NELL1: variants seen among roughly 807,000 people sequenced by gnomAD.
The protein encoded by NELL1 is neural EGFL like 1.
NELL1 carries 76 observed loss-of-function variants against 107.4 expected under a neutral mutation model. The ratio of observed to expected loss-of-function variants is 0.71; its 90% CI spans 0.59 to 0.86. The LOEUF (loss-of-function observed/expected upper bound fraction) is 0.86, where lower values mean the gene tolerates loss of function less well. NELL1 is among the 40% of genes least tolerant of loss of function. The pLI, the probability that NELL1 is intolerant of heterozygous loss-of-function variation, is 0.00. For synonymous variants in NELL1, 353 were observed against 341.2 expected, an observed-to-expected ratio of 1.03 and a Z score of -0.38; for missense variants, 1,024 against 1,005.5, an observed-to-expected ratio of 1.02 and a Z score of -0.25.
chr11:21,217,036 G>A (rs867266455), intron 13 of NELL1, among the ~76,000 whole-genome samples: 8 of 152,094 alleles, frequency 5.3e-5, no homozygotes. Flanking sequence ...AAGTAATTTA[G>A]TCATGAGGGT....
At chr11:21,299,400 A>G (rs908251832) in intron 14 of NELL1, among the ~76,000 whole-genome samples, 3 of 151,928 alleles carry the variant, frequency 2.0e-5, no homozygotes, top group African/African-American at 2.4e-5. Context: ...AACACCTTCA[A>G]TCACCCAGCC....
At chr11:21,052,974 C>A (rs1246666705) in intron 12 of NELL1, among the ~76,000 whole-genome samples, 1 of 151,968 alleles carries the variant, frequency 6.6e-6, no homozygotes, top group Non-Finnish European at 1.5e-5. Context: ...AGACACCAGG[C>A]AGCTTGAAGG....
intron 14 of NELL1, among the ~76,000 whole-genome samples, chr11:21,326,127 T>C (rs1288934494): frequency 2.1e-5 from 1 of 47,754 alleles, no homozygotes; most frequent in Non-Finnish European, 4.7e-5. Flanking sequence ...ACACTAATTC[T>C]CTTTTTGGCT....
chr11:21,216,793 G>A (rs1165486288), intron 13 of NELL1, among the ~76,000 whole-genome samples: 1 of 152,100 alleles, frequency 6.6e-6, no homozygotes, highest in Admixed American at 6.5e-5. Flanking sequence ...TAGGCAGAAG[G>A]GACTTGCCTT....
At chr11:21,356,446 T>C (rs1311965390) in intron 14 of NELL1, among the ~76,000 whole-genome samples, 1 of 152,140 alleles carries the variant, frequency 6.6e-6, no homozygotes, top group Non-Finnish European at 1.5e-5. Context: ...TGGTTTCTGC[T>C]CACCAGTAGA....
chr11:21,310,925 G>A (rs888179034), intron 14 of NELL1, among the ~76,000 whole-genome samples: 14 of 152,048 alleles, frequency 9.2e-5, no homozygotes, highest in African/African-American at 3.4e-4. Context: ...GTTTTAATTT[G>A]AATATAATCT....
intron 12 of NELL1, among the ~76,000 whole-genome samples, chr11:21,042,315 A>G (rs12574633): frequency 0.046 from 6,982 of 152,214 alleles, 233 homozygotes; most frequent in East Asian, 0.19. Flanking sequence ...GGAAACATCT[A>G]TGTATTATTA....
intron 3 of NELL1, among the ~76,000 whole-genome samples, chr11:20,795,615 TG>T (rs781582293): frequency 3.3e-5 from 5 of 152,164 alleles, no homozygotes; most frequent in African/African-American, 4.8e-5. Flanking sequence ...TAAGATATAA[TG>T]GTAAATCTTC....
chr11:21,172,052 C>A (rs4923394), intron 13 of NELL1, among the ~76,000 whole-genome samples: 53,216 of 151,542 alleles, frequency 0.35, 9,789 homozygotes, highest in Middle Eastern at 0.4. Context: ...AATTGTGTTT[C>A]AAATTTGTCT....
At chr11:20,879,543 C>A (rs1053575033) in intron 4 of NELL1, among the ~76,000 whole-genome samples, 4 of 152,020 alleles carry the variant, frequency 2.6e-5, no homozygotes, top group African/African-American at 9.7e-5. Context: ...GAGTAGTGTG[C>A]TGCCGTATTT....
At chr11:21,231,261 A>T (rs1205421599) in intron 14 of NELL1, among the ~76,000 whole-genome samples, 3 of 152,202 alleles carry the variant, frequency 2.0e-5, no homozygotes, top group African/African-American at 7.2e-5. Context: ...ATACATAAAG[A>T]CTGGAAACAT....
chr11:21,377,113 G>T (rs1295590848), intron 15 of NELL1, among the ~76,000 whole-genome samples: 1 of 151,992 alleles, frequency 6.6e-6, no homozygotes, highest in East Asian at 1.9e-4. Context: ...GAATATCTTT[G>T]TCTTGTTCCA....
intron 7 of NELL1, among the ~76,000 whole-genome samples, chr11:20,920,719 G>A (rs779193537): frequency 2.6e-5 from 4 of 152,126 alleles, no homozygotes; most frequent in East Asian, 1.9e-4. Context: ...CTCCAGCTTC[G>A]AGGGCGTCGT....
chr11:20,856,994 T>A (rs1458875982), intron 4 of NELL1, among the ~76,000 whole-genome samples: 1 of 152,124 alleles, frequency 6.6e-6, no homozygotes, highest in Non-Finnish European at 1.5e-5. Flanking sequence ...ACTCAGTGAG[T>A]TTGGAGTACA....
chr11:20,674,745 G>T, intron 1 of NELL1, among the ~76,000 whole-genome samples: 1 of 152,096 alleles, frequency 6.6e-6, no homozygotes, highest in East Asian at 1.9e-4. Flanking sequence ...CTCATTTGGG[G>T]GTGGGGATTC....
At chr11:21,531,123 A>C (rs978182952) in intron 15 of NELL1, among the ~76,000 whole-genome samples, 1 of 152,158 alleles carries the variant, frequency 6.6e-6, no homozygotes, top group African/African-American at 2.4e-5. Flanking sequence ...AGTTGGTGAT[A>C]TTGGTGGTTG....
At chr11:21,393,573 G>A (rs1226147494) in intron 15 of NELL1, among the ~76,000 whole-genome samples, 1 of 151,630 alleles carries the variant, frequency 6.6e-6, no homozygotes, top group African/African-American at 2.4e-5. Flanking sequence ...TTTGTTCTGT[G>A]CCTAATAGTC....
At chr11:21,162,897 C>G (rs906932814) in intron 13 of NELL1, among the ~76,000 whole-genome samples, 2 of 152,146 alleles carry the variant, frequency 1.3e-5, no homozygotes, top group Admixed American at 1.3e-4. Flanking sequence ...TGCAGAAAGA[C>G]TTAAATCACA....
intron 1 of NELL1, 113 bp from the exon 2 acceptor site, chr11:20,677,819 C>G: frequency 2.4e-6 from 3 of 1,227,150 alleles, no homozygotes; most frequent in Non-Finnish European, 3.5e-6. Flanking sequence ...AAAGACTCTC[C>G]AAGCACTCAT....
Sources: gnomAD v4.1 joint callset for allele counts (sites outside exome capture counted in the v4.1 genomes callset) on GRCh38, gnomAD v4.1.1 for gene constraint, MANE v1.5 for transcripts, NCBI Gene and HGNC (gene_info 2026-07-23, HGNC 2026-07-21) for gene names.